The following ANK2 variants were observed in gnomAD, a reference collection of about 807,000 sequenced individuals.
The protein encoded by ANK2 is ankyrin-2.
Under a neutral mutation model 360.5 loss-of-function variants are expected in ANK2, and 83 were observed. The ratio of observed to expected loss-of-function variants is 0.23; its 90% CI spans 0.19 to 0.28. ANK2 has a LOEUF of 0.28. Ranked by LOEUF, ANK2 falls within the 10% of genes least tolerant of loss-of-function variation. The pLI, the probability that ANK2 is intolerant of heterozygous loss-of-function variation, is 1.00. For synonymous variants in ANK2, 1,740 were observed against 1,759.5 expected, an observed-to-expected ratio of 0.99 and a Z score of 0.28; for missense variants, 4,201 against 4,795.7, an observed-to-expected ratio of 0.88 and a Z score of 3.66.
chr4:112,741,129 A>G, the ANK2 span, among the ~76,000 whole-genome samples: 1 of 152,096 alleles, frequency 6.6e-6, no homozygotes, highest in African/African-American at 2.4e-5. Flanking sequence ...CATGCCTGGC[A>G]AAAGTATTAT....
intron 2 of ANK2, among the ~76,000 whole-genome samples, chr4:112,941,855 T>C (rs1403100138): frequency 6.6e-6 from 1 of 150,658 alleles, no homozygotes; most frequent in Non-Finnish European, 1.5e-5. Flanking sequence ...CATCAAAATT[T>C]TGTCAGAAGT....
rs145550582 is a variant in ANK2, at chr4:113,116,515, C to T, written c.85-57901C>T. 3.7e-3 allele frequency among the ~76,000 whole-genome samples: 561 copies of T among 152,336 alleles called. 2 individuals are homozygous for T. Among genetic ancestry groups the T allele is most frequent in the Non-Finnish European group, 6.7e-3 (454 of 68,030 alleles). On this transcript the variant is annotated intron_variant, in intron 1 of 45. Transcript: ENST00000357077. ...CTAGCCCTTCCCAGACCTGCTCACC[C>T]CTGTATTGCCACGGCAGTGGCAAGT...
chr4:113,031,462 C>G (rs947799706), intron 2 of ANK2: 2 of 151,962 alleles, frequency 1.3e-5, no homozygotes, highest in African/African-American at 4.8e-5. Context: ...CTGGGATGAT[C>G]TGACTCTAAA....
chr4:113,302,071 A>G (rs757214091), intron 22 of ANK2, among the ~76,000 whole-genome samples: 6 of 152,164 alleles, frequency 3.9e-5, no homozygotes, highest in Non-Finnish European at 8.8e-5. Flanking sequence ...CATGTAGGTT[A>G]GGGGACTTGC....
rs767103674 is a variant in ANK2, at chr4:113,264,923, A to G, written c.1413A>G (p.Ala471=). 5 of 1,567,154 alleles carry G rather than the reference A, an allele frequency of 3.2e-6. No homozygotes were observed. The highest frequency in any genetic ancestry group is 4.3e-6 in the Non-Finnish European group (5 of 1,154,926). ...NIRGETALHM[A]ARAGQVEVVR... ...GTGGTGAGACGGCACTACACATGGCAGCCCGAGCCGGGCAGGTGGAAGTGG... is the reference window on the plus strand; with the variant it reads ...GTGGTGAGACGGCACTACACATGGCGGCCCGAGCCGGGCAGGTGGAAGTGG... The change falls in exon 14 of 46, where the codon GCA becomes GCG. Residue 471 remains alanine, a synonymous_variant. Coordinates refer to ENST00000357077, the MANE Select transcript of ANK2 (RefSeq NM_001148.6).
chr4:113,289,091 A>T (rs2066229854), intron 20 of ANK2, among the ~76,000 whole-genome samples: 1 of 152,206 alleles, frequency 6.6e-6, no homozygotes, highest in South Asian at 2.1e-4. Context: ...GTTCAAGGTG[A>T]ATAGAAGTTC....
chr4:112,742,111 G>A, the ANK2 span, among the ~76,000 whole-genome samples: 1 of 151,810 alleles, frequency 6.6e-6, no homozygotes, highest in African/African-American at 2.4e-5. Context: ...GGCAACGTTT[G>A]CAGCCAAATT....
At chr4:112,860,427 A>C (rs564751717) in intron 1 of ANK2, among the ~76,000 whole-genome samples, 150 of 152,160 alleles carry the variant, frequency 9.9e-4, no homozygotes, top group African/African-American at 3.5e-3. Context: ...GGGTTTCACC[A>C]TGTTGGTCAG....
At position 112,831,903 on chromosome 4, in the gene ANK2, G is replaced by A. The variant is rs527621424; in HGVS notation, c.-40+13639G>A. Among the ~76,000 whole-genome samples the A allele has an allele frequency of 7.9e-5, 12 of 152,098 alleles. No homozygotes were observed. The East Asian group carries it at 2.3e-3, about 29-fold the overall frequency. ...TGAAGGTTTGCAGCTTCACTCCTGAGGCCAGCGAGACCCCAAACCCACCAG... is the reference window on the plus strand; with the variant it reads ...TGAAGGTTTGCAGCTTCACTCCTGAAGCCAGCGAGACCCCAAACCCACCAG... On this transcript the variant is annotated intron_variant, in intron 1 of 30. Transcript: ENST00000503271.
chr4:112,966,299 T>C (rs538026633), intron 2 of ANK2, among the ~76,000 whole-genome samples: 81 of 151,834 alleles, frequency 5.3e-4, no homozygotes, highest in Non-Finnish European at 1.1e-3. Context: ...AAAATAATTC[T>C]TGTTTATGCA....
chr4:112,766,432 A>C, the ANK2 span, among the ~76,000 whole-genome samples: 2 of 152,238 alleles, frequency 1.3e-5, no homozygotes, highest in Non-Finnish European at 2.9e-5. Flanking sequence ...TTTGTTAGAA[A>C]TCCTTTAATT....
chr4:112,767,183 A>G, the ANK2 span, among the ~76,000 whole-genome samples: 1 of 152,170 alleles, frequency 6.6e-6, no homozygotes, highest in Non-Finnish European at 1.5e-5. Flanking sequence ...TTGTTATCAA[A>G]TTCCTAGTAA....
chr4:112,712,702 C>T, the ANK2 span, among the ~76,000 whole-genome samples: 3 of 151,900 alleles, frequency 2.0e-5, no homozygotes, highest in East Asian at 1.9e-4. Flanking sequence ...CCACTGCGCC[C>T]GGCCAAGATG....
intron 34 of ANK2, 94 bp downstream of exon 34, chr4:113,343,236 A>G (rs2094481801): frequency 2.2e-6 from 3 of 1,355,534 alleles, no homozygotes; most frequent in Middle Eastern, 2.6e-4. Flanking sequence ...CTTTTCAGTC[A>G]TCTTCAGAGT....
At chr4:113,180,602 A>G (rs1393379788) in intron 2 of ANK2, among the ~76,000 whole-genome samples, 3 of 152,198 alleles carry the variant, frequency 2.0e-5, no homozygotes, top group African/African-American at 7.2e-5. Flanking sequence ...TTAAACTGAA[A>G]TATTTATCTG....
chr4:113,268,597 C>G, intron 14 of ANK2, among the ~76,000 whole-genome samples: 1 of 152,190 alleles, frequency 6.6e-6, no homozygotes, highest in South Asian at 2.1e-4. Context: ...AGGGATGAAG[C>G]TGACTTGATC....
intron 1 of ANK2, among the ~76,000 whole-genome samples, chr4:112,823,134 G>C (rs2057581029): frequency 6.6e-6 from 1 of 152,220 alleles, no homozygotes; most frequent in Admixed American, 6.5e-5. Flanking sequence ...CACAAAATTA[G>C]ATTGGGTGTT....
intron 8 of ANK2, 65 bp from the exon 9 acceptor site, chr4:113,242,046 A>G (rs1174393856): frequency 7.6e-7 from 1 of 1,312,794 alleles, no homozygotes; most frequent in Non-Finnish European, 1.1e-6. Context: ...GGCCTTTAAC[A>G]CAAAGGCATC....
chr4:113,070,081 T>C (rs942321986), intron 1 of ANK2: 4 of 152,228 alleles, frequency 2.6e-5, no homozygotes, highest in African/African-American at 9.6e-5. Context: ...TTTATACCAC[T>C]TGCATATATT....
Sources: allele counts gnomAD v4.1 joint callset (sites outside exome capture counted in the v4.1 genomes callset), GRCh38; gene constraint gnomAD v4.1.1; transcripts MANE v1.5; gene names NCBI Gene and HGNC (gene_info 2026-07-23, HGNC 2026-07-21).